GALNT14: variants seen among roughly 807,000 people sequenced by gnomAD.
GALNT14 encodes UDP-GalNAc:polypeptide N-acetylgalactosaminyltransferase 14.
A neutral mutation model predicts 77.5 loss-of-function variants in GALNT14; 60 were observed. The observed-to-expected ratio is 0.77, with a 90% CI of 0.63 to 0.96. The LOEUF is 0.96. Ranked by LOEUF, GALNT14 falls within the 40% of genes least tolerant of loss-of-function variation. The probability of loss-of-function intolerance (pLI) is 0.00; values close to 1 mark genes in which losing one functional copy is unlikely to be tolerated. For synonymous variants in GALNT14, 280 were observed against 281.7 expected (o/e 0.99, Z 0.06); for missense variants, 710 against 731.0 (o/e 0.97, Z 0.33).
rs144123743 is a variant in GALNT14, at chr2:31,030,782, A to G, written c.130-37775T>C. Reference sequence around the variant, plus strand: ...TTTGTAGGCTTCCAGCCCCTGGAATATGAGAGACAGCCAAGAAGGGCAGAG... The same window carrying G: ...TTTGTAGGCTTCCAGCCCCTGGAATGTGAGAGACAGCCAAGAAGGGCAGAG... On this transcript the variant is annotated intron_variant, in intron 1 of 14. Coordinates refer to ENST00000349752, the MANE Select transcript of GALNT14 (RefSeq NM_024572.4). 2.1e-3 allele frequency among the ~76,000 whole-genome samples: 324 copies of G among 152,340 alleles called. 2 individuals carry two copies. The highest frequency in any genetic ancestry group is 7.6e-3 in the African/African-American group (315 of 41,580).
chr2:31,076,625 A>AT (rs1418686188), intron 1 of GALNT14, among the ~76,000 whole-genome samples: 33 of 119,962 alleles, frequency 2.8e-4, no homozygotes, highest in African/African-American at 1.1e-3. Flanking sequence ...ATATATATAT[A>AT]TATATTTTTT....
At chr2:30,979,880 C>T (rs1186654056) in intron 2 of GALNT14, among the ~76,000 whole-genome samples, 1 of 152,192 alleles carries the variant, frequency 6.6e-6, no homozygotes, top group Non-Finnish European at 1.5e-5. Context: ...CTCTTTTCAT[C>T]TCTTGTCAAA....
chr2:31,084,014 TGTATATAGCCCA>T (rs1271232139), intron 1 of GALNT14, among the ~76,000 whole-genome samples: 1 of 152,096 alleles, frequency 6.6e-6, no homozygotes, highest in African/African-American at 2.4e-5. Flanking sequence ...AGAGGTTGCT[TGTATATAGCCCA>T]GTAGGGGAGA....
intron 9 of GALNT14, among the ~76,000 whole-genome samples, chr2:30,933,795 T>C (rs1665890096): frequency 6.6e-6 from 1 of 152,248 alleles, no homozygotes; most frequent in Non-Finnish European, 1.5e-5. Context: ...GGAAACCTGC[T>C]TAAGCTCGCG....
chr2:30,950,965 A>C (rs1666989035), intron 6 of GALNT14, among the ~76,000 whole-genome samples: 1 of 152,212 alleles, frequency 6.6e-6, no homozygotes, highest in Admixed American at 6.5e-5. Context: ...CAAAGAAAGC[A>C]AGGCTCCCTT....
chr2:31,035,594 TACATATACAC>T (rs1175317887), intron 1 of GALNT14, among the ~76,000 whole-genome samples: 1 of 123,346 alleles, frequency 8.1e-6, no homozygotes, highest in Non-Finnish European at 1.7e-5. Flanking sequence ...TGTATACATA[TACATATACAC>T]ACACACACAC....
At chr2:30,887,563 G>A in the GALNT14 span, among the ~76,000 whole-genome samples, 3 of 151,954 alleles carry the variant, frequency 2.0e-5, no homozygotes, top group Non-Finnish European at 4.4e-5. Context: ...TTTCAGGTAA[G>A]TTGTCTTTTT....
the GALNT14 span, among the ~76,000 whole-genome samples, chr2:30,886,827 G>A: frequency 2.6e-5 from 4 of 152,130 alleles, no homozygotes; most frequent in Non-Finnish European, 4.4e-5. Context: ...TCATAATCTT[G>A]TACAACCAAC....
intron 6 of GALNT14, among the ~76,000 whole-genome samples, chr2:30,955,011 T>G (rs1667269374): frequency 6.6e-6 from 1 of 152,202 alleles, no homozygotes. Context: ...GTGGATAGAC[T>G]TCAGGGAATA....
chr2:30,957,196 G>C (rs1054392914), intron 4 of GALNT14, among the ~76,000 whole-genome samples: 2 of 151,952 alleles, frequency 1.3e-5, no homozygotes. Flanking sequence ...CAGGCTTCTG[G>C]GCTAGGTACT....
At chr2:30,932,918 C>G (rs981098763) in intron 9 of GALNT14, among the ~76,000 whole-genome samples, 6 of 152,138 alleles carry the variant, frequency 3.9e-5, no homozygotes, top group Non-Finnish European at 7.4e-5. Flanking sequence ...CTGGTGTCCC[C>G]TAGGTTTGTA....
intron 1 of GALNT14, among the ~76,000 whole-genome samples, chr2:31,062,871 T>C (rs760157462): frequency 6.6e-6 from 1 of 152,226 alleles, no homozygotes; most frequent in Non-Finnish European, 1.5e-5. Flanking sequence ...TGCTGAGAAG[T>C]GTCTGTTCAT....
At chr2:30,966,591 G>T (rs1668025401) in intron 2 of GALNT14, among the ~76,000 whole-genome samples, 1 of 152,200 alleles carries the variant, frequency 6.6e-6, no homozygotes, top group African/African-American at 2.4e-5. Context: ...TTTCTTGCAT[G>T]CCTGAGCCAG....
intron 1 of GALNT14, among the ~76,000 whole-genome samples, chr2:31,069,757 C>G (rs1675225118): frequency 6.6e-6 from 1 of 152,162 alleles, no homozygotes; most frequent in Non-Finnish European, 1.5e-5. Context: ...TCCCAAGAGG[C>G]CTTGGGCAAC....
At chr2:31,000,640 T>C (rs1670313191) in intron 1 of GALNT14, among the ~76,000 whole-genome samples, 1 of 152,144 alleles carries the variant, frequency 6.6e-6, no homozygotes, top group Admixed American at 6.5e-5. Context: ...GAATTCCTTC[T>C]TGCTTGGGGA....
At chr2:31,101,650 A>G (rs537760271) in intron 1 of GALNT14, among the ~76,000 whole-genome samples, 69 of 152,074 alleles carry the variant, frequency 4.5e-4, no homozygotes, top group Non-Finnish European at 7.8e-4. Flanking sequence ...TGTTCTCCAC[A>G]TATCATTCCT....
chr2:31,078,976 AGGGAGAGCAG>A, intron 1 of GALNT14: 4 of 1,289,220 alleles, frequency 3.1e-6, no homozygotes, highest in Non-Finnish European at 4.0e-6. Context: ...CATGCCTGGG[AGGGAGAGCAG>A]GGGAGCTACA....
At chr2:31,104,820 G>A (rs1229710309) in intron 1 of GALNT14, among the ~76,000 whole-genome samples, 1 of 152,174 alleles carries the variant, frequency 6.6e-6, no homozygotes, top group Admixed American at 6.5e-5. Context: ...AGCTCAACCT[G>A]TCCACCACTA....
At position 30,992,962 on chromosome 2, in the gene GALNT14, G is replaced by A. The variant is rs762288459; in HGVS notation, c.175C>T (p.Arg59Trp). 1.4e-5 allele frequency: 22 copies of A among 1,614,014 alleles called. No homozygotes were observed. The highest frequency in any genetic ancestry group is 1.6e-5 in the Non-Finnish European group (19 of 1,180,030). Residue 59 changes from arginine to tryptophan, a missense_variant, in exon 2 of 15, where the codon CGG becomes TGG. Physicochemically the swap from Arg to Trp is moderately radical, Grantham distance 101 (BLOSUM62 -3). Coordinates refer to ENST00000349752, the MANE Select transcript of GALNT14 (RefSeq NM_024572.4). ...WDDLWDQFDE[R>W]RYLNAKKWRV... is the part of the protein sequence containing the mutation. ...CACTTTTTGGCATTCAGATACCGCC[G>A]CTCATCAAACTGGTCCCACAGGTCG... is the stretch of plus-strand genomic sequence containing the variant.
Sources: gnomAD v4.1 joint callset for allele counts (sites outside exome capture counted in the v4.1 genomes callset) on GRCh38, gnomAD v4.1.1 for gene constraint, MANE v1.5 for transcripts, NCBI Gene and HGNC (gene_info 2026-07-23, HGNC 2026-07-21) for gene names.